STARD7: variants seen among roughly 807,000 people sequenced by gnomAD.
The protein encoded by STARD7 is stAR-related lipid transfer protein 7, mitochondrial.
Under a neutral mutation model 45.3 loss-of-function variants are expected in STARD7, and 30 were observed. That is an observed-to-expected ratio of 0.66 (90% CI 0.50 to 0.90). The LOEUF is 0.90. STARD7 is among the 40% of genes least tolerant of loss of function. The pLI is 0.00. For missense variants in STARD7, 495 were observed against 491.3 expected (o/e 1.01, Z -0.07); for synonymous variants, 199 against 183.0 (o/e 1.09, Z -0.70).
Position 96,208,331 on chromosome 2 carries a change from A to G in STARD7, c.104T>C (p.Val35Ala), listed in dbSNP as rs1252288620. Residue 35 changes from valine (V) to alanine (A), a missense_variant, in exon 1 of 8, where the codon GTG becomes GCG. Around this residue, in one of 2 missense-constraint regions of STARD7, gnomAD observed 282 missense variants for 220.1 expected, o/e 1.28. Coordinates refer to ENST00000337288, the MANE Select transcript of STARD7 (RefSeq NM_020151.4). Reference sequence around the variant, plus strand: ...CTGCGCGATCTGCTGCGCGCGCCGCACGCGCAGGCCCGTGACGAAGCGGCA... The same window carrying G: ...CTGCGCGATCTGCTGCGCGCGCCGCGCGCGCAGGCCCGTGACGAAGCGGCA... The part of the protein sequence containing the change: ...NQCRFVTGLR[V>A]RRAQQIAQLY... 2 of 1,603,230 alleles carry G rather than the reference A, an allele frequency of 1.2e-6. No individual in the cohort carries two copies. The highest frequency in any genetic ancestry group is 1.3e-5 in the African/African-American group (1 of 74,610).
At chr2:96,190,994 T>C (rs1239876996) in intron 6 of STARD7, among the ~76,000 whole-genome samples, 1 of 151,992 alleles carries the variant, frequency 6.6e-6, no homozygotes, top group African/African-American at 2.4e-5. Flanking sequence ...TGAGACCCCA[T>C]CTCTACAAAA....
At chr2:96,195,127 C>T in intron 2 of STARD7, 120 bp from the exon 3 acceptor site, 2 of 966,032 alleles carry the variant, frequency 2.1e-6, no homozygotes, top group Middle Eastern at 2.2e-4. Flanking sequence ...GGTTCAGAAA[C>T]TAGAAGTCTT....
intron 1 of STARD7, among the ~76,000 whole-genome samples, chr2:96,204,884 T>A (rs1323909701): frequency 6.6e-6 from 1 of 152,210 alleles, no homozygotes; most frequent in African/African-American, 2.4e-5. Flanking sequence ...ATTTTCTTTA[T>A]GCAACTTTAA....
chr2:96,192,490 G>A, intron 5 of STARD7, 22 bp from the exon 6 acceptor site: 1 of 1,572,392 alleles, frequency 6.4e-7, no homozygotes, highest in Non-Finnish European at 8.8e-7. Flanking sequence ...GAAAGGAGAA[G>A]CAAACTCTTA....
intron 1 of STARD7, 52 bp downstream of exon 1, chr2:96,208,093 T>G: frequency 6.8e-7 from 1 of 1,471,456 alleles, no homozygotes. Flanking sequence ...GGCCCCAGGG[T>G]TCACAAGCCC....
At chr2:96,205,869 T>G (rs907482621) in intron 1 of STARD7, among the ~76,000 whole-genome samples, 2 of 152,074 alleles carry the variant, frequency 1.3e-5, no homozygotes, top group African/African-American at 4.8e-5. Flanking sequence ...ATGAACAACA[T>G]GATCAAATTT....
At chr2:96,205,750 A>G (rs1460103835) in intron 1 of STARD7, among the ~76,000 whole-genome samples, 1 of 152,230 alleles carries the variant, frequency 6.6e-6, no homozygotes. Flanking sequence ...ACAAGCTATC[A>G]AAACAAAGAC....
chr2:96,204,470 G>A (rs1361917121), intron 1 of STARD7, among the ~76,000 whole-genome samples: 1 of 151,732 alleles, frequency 6.6e-6, no homozygotes, highest in African/African-American at 2.4e-5. Flanking sequence ...CAGGAGAATC[G>A]CTTGAACCTG....
In STARD7 at chr2:96,208,314, T is replaced by G; in HGVS notation, c.121A>C (p.Ile41Leu). ...TGLRVRRAQQIAQLYGRLYSE... is the reference protein window; with the variant it reads ...TGLRVRRAQQLAQLYGRLYSE... ...TAGAGGCGGCCGTAGAGCTGCGCGA[T>G]CTGCTGCGCGCGCCGCACGCGCAGG... Residue 41 changes from isoleucine (I) to leucine (L), a missense_variant, in exon 1 of 8, where the codon ATC (isoleucine) becomes CTC (leucine). This residue lies in a region of STARD7 where 282 missense variants were observed against 220.1 expected (regional missense o/e 1.28). Transcript: ENST00000337288. 1 of 1,607,320 alleles carries G rather than the reference T, an allele frequency of 6.2e-7. No homozygotes were observed. Among genetic ancestry groups the G allele is most frequent in the South Asian group, 1.1e-5 (1 of 90,520 alleles).
intron 1 of STARD7, among the ~76,000 whole-genome samples, chr2:96,200,097 T>C (rs1456451410): frequency 6.6e-6 from 1 of 152,182 alleles, no homozygotes; most frequent in Non-Finnish European, 1.5e-5. Flanking sequence ...GTGTGGTTTT[T>C]TTTTGTTTGT....
chr2:96,196,529 T>C (rs1322519133), intron 1 of STARD7, among the ~76,000 whole-genome samples: 1 of 152,158 alleles, frequency 6.6e-6, no homozygotes, highest in Non-Finnish European at 1.5e-5. Context: ...TGCCATGATC[T>C]GGGCTCACTG....
Position 96,186,661 on chromosome 2 carries a change from T to G in STARD7, c.*69A>C, listed in dbSNP as rs907861968. On this transcript the variant is annotated 3_prime_UTR_variant, in exon 8 of 8. Coordinates refer to ENST00000337288, the MANE Select transcript of STARD7 (RefSeq NM_020151.4). ...TCTAATACATGTGGCATGTCCCCCT[T>G]CTACAGCAGAGTGATAACGGACTGA... 1 of 1,283,738 alleles carries G rather than the reference T, an allele frequency of 7.8e-7. No homozygotes were observed. Among genetic ancestry groups the G allele is most frequent in the East Asian group, 2.4e-5 (1 of 41,062 alleles). 79.5% of individuals were successfully genotyped at this position (1,283,738 alleles called of 1,614,324 possible). A position where few individuals can be genotyped will look rare whatever the true frequency, so the allele number is the denominator to read the frequency against.
At position 96,195,495 on chromosome 2, in the gene STARD7, A is replaced by C; in HGVS notation, c.345T>G (p.Ser115=). The C allele has an allele frequency of 6.2e-7, 1 of 1,613,900 alleles. No individual in the cohort carries two copies. Among genetic ancestry groups the C allele is most frequent in the Non-Finnish European group, 8.5e-7 (1 of 1,179,850 alleles). ...LEEMSNMFQS[S]GVQHHPPEPK... ...GTTCTGGAGGGTGGTGCTGGACTCC[A>C]GAGCTCTGAAACATATTTGACATTT... is the stretch of plus-strand genomic sequence containing the variant. The change falls in exon 2 of 8, where the codon TCT becomes TCG. Residue 115 remains serine, a synonymous_variant. Coordinates refer to ENST00000337288, the MANE Select transcript of STARD7 (RefSeq NM_020151.4).
Position 96,187,268 on chromosome 2 carries a change from T to G in STARD7, c.877A>C (p.Asn293His). Residue 293 changes from asparagine to histidine, a missense_variant, in exon 7 of 8, where the codon AAT (asparagine) becomes CAT (histidine). Physicochemically the swap from Asn to His is moderately conservative, Grantham distance 68. This residue lies in a region of STARD7 where 213 missense variants were observed against 271.2 expected (regional missense o/e 0.79). Coordinates refer to ENST00000337288, the MANE Select transcript of STARD7 (RefSeq NM_020151.4). The part of the protein sequence containing the change: ...GFDYLLTYSD[N>H]PQTVFPRYCV... ...TAGCGAGGAAACACCGTTTGGGGATTGTCACTGTATGTTAGTAAGTAGTCA... is the reference window on the plus strand; with the variant it reads ...TAGCGAGGAAACACCGTTTGGGGATGGTCACTGTATGTTAGTAAGTAGTCA... 6.2e-7 allele frequency: 1 copy of G among 1,613,884 alleles called. No homozygotes were observed.
At chr2:96,200,516 T>C (rs1352749662) in intron 1 of STARD7, among the ~76,000 whole-genome samples, 1 of 152,084 alleles carries the variant, frequency 6.6e-6, no homozygotes, top group East Asian at 1.9e-4. Context: ...TGGGGAAAAA[T>C]AAGAATACAA....
Position 96,208,306 on chromosome 2 carries a change from C to G in STARD7, c.129G>C (p.Gln43His). The change falls in exon 1 of 8, where the codon CAG becomes CAC. Residue 43 changes from glutamine (Q) to histidine (H), a missense_variant. Coordinates refer to ENST00000337288, the MANE Select transcript of STARD7 (RefSeq NM_020151.4). ...TCTCGGAGTAGAGGCGGCCGTAGAGCTGCGCGATCTGCTGCGCGCGCCGCA... is the reference window on the plus strand; with the variant it reads ...TCTCGGAGTAGAGGCGGCCGTAGAGGTGCGCGATCTGCTGCGCGCGCCGCA... ...LRVRRAQQIA[Q>H]LYGRLYSESS... The G allele has an allele frequency of 3.1e-6, 5 of 1,608,300 alleles. No homozygotes were observed. Among genetic ancestry groups the G allele is most frequent in the East Asian group, 2.2e-5 (1 of 44,722 alleles).
chr2:96,194,360 G>C (rs200015929), intron 3 of STARD7, among the ~76,000 whole-genome samples: 1 of 151,038 alleles, frequency 6.6e-6, no homozygotes, highest in African/African-American at 2.4e-5. Context: ...CTCAGGGAGA[G>C]GAAAGAAAAA....
intron 1 of STARD7, among the ~76,000 whole-genome samples, chr2:96,196,163 G>GTCA (rs1200164344): frequency 6.6e-6 from 1 of 151,438 alleles, no homozygotes; most frequent in Non-Finnish European, 1.5e-5. Flanking sequence ...AAAAGTAAGT[G>GTCA]TCAAGTGCTT....
intron 1 of STARD7, among the ~76,000 whole-genome samples, chr2:96,204,494 G>A (rs1234084351): frequency 2.6e-5 from 4 of 152,012 alleles, no homozygotes; most frequent in Non-Finnish European, 4.4e-5. Context: ...GGCGGAGGTT[G>A]CAGTGAGCCG....
Sources: gnomAD v4.1 joint callset for allele counts (sites outside exome capture counted in the v4.1 genomes callset) on GRCh38, gnomAD v4.1.1 for gene constraint, gnomAD v4.1.1 regional missense constraint, MANE v1.5 for transcripts, NCBI Gene and HGNC (gene_info 2026-07-23, HGNC 2026-07-21) for gene names.